The following TUT4 variants were observed in gnomAD, a reference collection of about 807,000 sequenced individuals.
TUT4 encodes the protein terminal uridylyltransferase 4.
Under a neutral mutation model 192.2 loss-of-function variants are expected in TUT4, and 36 were observed. That is an observed-to-expected ratio of 0.19 (90% CI 0.14 to 0.25). The LOEUF is 0.25. TUT4 is among the 10% of genes least tolerant of loss of function. The pLI is 1.00. For missense variants in TUT4, 1,493 were observed against 1,957.2 expected (o/e 0.76, Z 4.47); for synonymous variants, 618 against 666.0 (o/e 0.93, Z 1.11).
At chr1:52,435,840 G>C (rs1164966919) in intron 26 of TUT4, among the ~76,000 whole-genome samples, 1 of 151,938 alleles carries the variant, frequency 6.6e-6, no homozygotes, top group Non-Finnish European at 1.5e-5. Flanking sequence ...AGTCCAGAAG[G>C]TCAAAGCTGC....
At chr1:52,536,618 C>T (rs901857635) in intron 1 of TUT4, among the ~76,000 whole-genome samples, 4 of 151,736 alleles carry the variant, frequency 2.6e-5, no homozygotes, top group Non-Finnish European at 5.9e-5. Context: ...TTTGGGAGGC[C>T]GAGGTAGGTG....
chr1:52,450,351 A>G (rs1001964185), intron 20 of TUT4, among the ~76,000 whole-genome samples: 1 of 152,324 alleles, frequency 6.6e-6, no homozygotes, highest in Middle Eastern at 3.4e-3. Flanking sequence ...TCCATGTATC[A>G]TCAGTCTATA....
chr1:52,541,319 G>C (rs527268867), intron 1 of TUT4, among the ~76,000 whole-genome samples: 1 of 152,170 alleles, frequency 6.6e-6, no homozygotes, highest in East Asian at 1.9e-4. Context: ...ATTACCTGAA[G>C]TCAGGAGTTC....
chr1:52,509,307 C>T (rs1261562589), intron 4 of TUT4, among the ~76,000 whole-genome samples: 1 of 152,124 alleles, frequency 6.6e-6, no homozygotes, highest in Non-Finnish European at 1.5e-5. Flanking sequence ...TTCACCACTG[C>T]CTAGAAGTAG....
rs200614805 is a variant in TUT4 at position 52,475,222 on chromosome 1, G to C, written c.2337C>G (p.Asp779Glu). Residue 779 changes from aspartate to glutamate, a missense_variant, in exon 13 of 30, where the codon GAC becomes GAG. By Grantham distance (45) the Asp-to-Glu change is conservative. Around this residue, in one of 7 missense-constraint regions of TUT4, gnomAD observed 245 missense variants for 218.4 expected, o/e 1.12. Transcript: ENST00000257177. ...GTTCATTTACCAACAAATTGTTGTTGTCAATAATACATCTCTGTGATGTAC... is the reference window on the plus strand; with the variant it reads ...GTTCATTTACCAACAAATTGTTGTTCTCAATAATACATCTCTGTGATGTAC... ...MDCTSQRCII[D>E]NNNLLVNELD... 1.4e-5 allele frequency: 22 copies of C among 1,614,082 alleles called. No homozygotes were observed. In the Admixed American group the frequency reaches 3.5e-4, roughly 26 times the overall value.
intron 1 of TUT4, among the ~76,000 whole-genome samples, chr1:52,546,496 A>G (rs1409766613): frequency 6.6e-6 from 1 of 152,202 alleles, no homozygotes; most frequent in Non-Finnish European, 1.5e-5. Flanking sequence ...TCAAAATCGT[A>G]AAGACAGAAT....
intron 16 of TUT4, chr1:52,463,703 T>C (rs1663267247): frequency 7.7e-7 from 1 of 1,304,286 alleles, no homozygotes; most frequent in South Asian, 1.2e-5. Context: ...TGAGAAGGCC[T>C]GGGACACTTC....
intron 12 of TUT4, among the ~76,000 whole-genome samples, chr1:52,476,088 G>A (rs531769742): frequency 2.6e-5 from 4 of 152,098 alleles, no homozygotes; most frequent in Admixed American, 1.3e-4. Context: ...CAGGTGATCC[G>A]CCTGCTTCAG....
intron 20 of TUT4, among the ~76,000 whole-genome samples, chr1:52,455,486 G>A (rs930367443): frequency 7.3e-5 from 11 of 151,456 alleles, no homozygotes; most frequent in South Asian, 2.1e-4. Context: ...GTGTGCACCC[G>A]TAGTCCCAGC....
chr1:52,540,006 C>G (rs1335879039), intron 1 of TUT4, among the ~76,000 whole-genome samples: 4 of 150,840 alleles, frequency 2.7e-5, no homozygotes, highest in Non-Finnish European at 5.9e-5. Context: ...ATCACGAGGT[C>G]AGGAGATCGA....
chr1:52,454,918 G>A (rs1660427731), intron 20 of TUT4, among the ~76,000 whole-genome samples: 1 of 152,170 alleles, frequency 6.6e-6, no homozygotes, highest in South Asian at 2.1e-4. Context: ...CCTCACCAAA[G>A]AAGACATATG....
intron 9 of TUT4, among the ~76,000 whole-genome samples, chr1:52,483,826 A>G (rs990068233): frequency 6.6e-6 from 1 of 152,054 alleles, no homozygotes; most frequent in Non-Finnish European, 1.5e-5. Flanking sequence ...CATTTTCTTC[A>G]TTAAGTAAAA....
At position 52,468,239 on chromosome 1, in the gene TUT4, T is replaced by C; in HGVS notation, c.2907A>G (p.Gln969=). 1 of 1,609,306 alleles carries C rather than the reference T, an allele frequency of 6.2e-7. No homozygotes were observed. The highest frequency in any genetic ancestry group is 2.2e-5 in the East Asian group (1 of 44,524). The change falls in exon 15 of 30, where the codon CAA becomes CAG. Residue 969 remains glutamine, a synonymous_variant. Transcript: ENST00000257177. ...FDELSPPCSE[Q]HNREQILIGL... ...CAATTAAAATTTGCTCCCTGTTGTG[T>C]TGTTCAGAACAAGGTGGTGATAACT...
chr1:52,499,190 G>A (rs1421238704), intron 4 of TUT4, among the ~76,000 whole-genome samples: 1 of 151,700 alleles, frequency 6.6e-6, no homozygotes, highest in Non-Finnish European at 1.5e-5. Flanking sequence ...CTTGAGGTCA[G>A]GAGTTCGAGA....
At chr1:52,469,392 T>C (rs371054971) in intron 14 of TUT4, among the ~76,000 whole-genome samples, 1 of 152,140 alleles carries the variant, frequency 6.6e-6, no homozygotes. Context: ...CTCTAGTTAA[T>C]AAAGTTGTTT....
intron 3 of TUT4, among the ~76,000 whole-genome samples, chr1:52,510,187 T>C (rs1020240303): frequency 6.6e-6 from 1 of 151,690 alleles, no homozygotes; most frequent in African/African-American, 2.4e-5. Context: ...TGGCGCAGGC[T>C]TGTAATCCCA....
chr1:52,525,765 T>G lies in TUT4; in HGVS notation c.516A>C (p.Arg172Ser), dbSNP rs758044536. 2 of 1,614,178 alleles carry G rather than the reference T, an allele frequency of 1.2e-6. No homozygotes were observed. Among genetic ancestry groups the G allele is most frequent in the Non-Finnish European group, 1.7e-6 (2 of 1,180,028 alleles). ...KGPSLLLKDM[R>S]QKTELQQIGK... is the part of the protein sequence containing the mutation. ...CAATCTGTTGTAATTCTGTCTTCTG[T>G]CTCATGTCTTTCAACAGTAAACTGG... is the stretch of plus-strand genomic sequence containing the variant. Residue 172 changes from arginine (R) to serine (S), a missense_variant, in exon 2 of 30, where the codon AGA becomes AGC. By Grantham distance (110) the Arg-to-Ser change is moderately radical. This residue lies in a region of TUT4 where 260 missense variants were observed against 247.8 expected (regional missense o/e 1.05). Coordinates refer to ENST00000257177, the MANE Select transcript of TUT4 (RefSeq NM_001009881.3).
intron 28 of TUT4, 106 bp from the exon 29 acceptor site, chr1:52,425,613 A>C: frequency 7.6e-7 from 1 of 1,319,520 alleles, no homozygotes; most frequent in Non-Finnish European, 1.0e-6. Context: ...TTGGCTAAGA[A>C]CTATGCTAAA....
chr1:52,460,754 A>G (rs1312626759), intron 19 of TUT4, among the ~76,000 whole-genome samples: 1 of 152,228 alleles, frequency 6.6e-6, no homozygotes, highest in African/African-American at 2.4e-5. Context: ...GGAGAAGCGT[A>G]AGGTATTATT....
Sources: allele counts gnomAD v4.1 joint callset (sites outside exome capture counted in the v4.1 genomes callset), GRCh38; gene constraint gnomAD v4.1.1; regional missense constraint gnomAD v4.1.1; transcripts MANE v1.5; gene names NCBI Gene and HGNC (gene_info 2026-07-23, HGNC 2026-07-21).